The following CA10 variants were observed in gnomAD, a reference collection of about 807,000 sequenced individuals.
CA10 encodes the protein carbonic anhydrase 10 (inactive).
CA10 carries 14 observed loss-of-function variants against 44.2 expected under a neutral mutation model. The ratio of observed to expected loss-of-function variants is 0.32; its 90% CI spans 0.21 to 0.50. The LOEUF (loss-of-function observed/expected upper bound fraction) is 0.50. CA10 is among the 20% of genes least tolerant of loss of function. The pLI, the probability that CA10 is intolerant of heterozygous loss-of-function variation, is 0.99. For synonymous variants in CA10, 159 were observed against 141.6 expected (o/e 1.12, Z -0.87); for missense variants, 350 against 409.7 (o/e 0.85, Z 1.26).
chr17:51,758,671 T>C (rs1266080481), intron 3 of CA10, among the ~76,000 whole-genome samples: 10 of 152,232 alleles, frequency 6.6e-5, no homozygotes, highest in African/African-American at 2.4e-4. Context: ...GTGAGTCCCA[T>C]GTATTTCTTT....
At chr17:52,124,722 T>C (rs1357350696) in intron 1 of CA10, among the ~76,000 whole-genome samples, 1 of 152,132 alleles carries the variant, frequency 6.6e-6, no homozygotes, top group Non-Finnish European at 1.5e-5. Context: ...GCCTATGCTG[T>C]TTCATCCTCA....
chr17:51,931,606 G>C (rs991977756), intron 2 of CA10, among the ~76,000 whole-genome samples: 2 of 152,112 alleles, frequency 1.3e-5, no homozygotes, highest in African/African-American at 4.8e-5. Context: ...GGGTTGTCAA[G>C]ACTAAACTGA....
intron 2 of CA10, among the ~76,000 whole-genome samples, chr17:52,043,986 G>A (rs1424322247): frequency 1.3e-5 from 2 of 152,046 alleles, no homozygotes; most frequent in Admixed American, 1.3e-4. Flanking sequence ...TTGCATCTAT[G>A]TTCAGCAGGG....
intron 4 of CA10, among the ~76,000 whole-genome samples, chr17:51,724,739 C>T (rs1916459874): frequency 6.6e-6 from 1 of 152,098 alleles, no homozygotes; most frequent in South Asian, 2.1e-4. Context: ...ATTTCTCTTC[C>T]TGACTTGAGA....
At chr17:52,133,536 G>A (rs184925890) in intron 1 of CA10, among the ~76,000 whole-genome samples, 11 of 152,188 alleles carry the variant, frequency 7.2e-5, no homozygotes, top group African/African-American at 2.4e-4. Flanking sequence ...AAAAAAAACA[G>A]TTGCATATCA....
intron 2 of CA10, among the ~76,000 whole-genome samples, chr17:51,971,654 A>C (rs1984284095): frequency 6.6e-6 from 1 of 152,078 alleles, no homozygotes; most frequent in East Asian, 1.9e-4. Flanking sequence ...CCAGAATTTT[A>C]ACAAGATATT....
intron 2 of CA10, among the ~76,000 whole-genome samples, chr17:51,933,627 G>A (rs535449118): frequency 6.6e-6 from 1 of 152,106 alleles, no homozygotes; most frequent in Non-Finnish European, 1.5e-5. Flanking sequence ...GGCAGTAACG[G>A]AAAAGTAATA....
At chr17:51,797,924 G>C (rs966517550) in intron 3 of CA10, among the ~76,000 whole-genome samples, 1 of 147,118 alleles carries the variant, frequency 6.8e-6, no homozygotes, top group East Asian at 2.1e-4. Flanking sequence ...ACACATCCAC[G>C]ACTAGCATCT....
chr17:51,984,850 G>A (rs1434277754), intron 2 of CA10, among the ~76,000 whole-genome samples: 1 of 151,806 alleles, frequency 6.6e-6, no homozygotes, highest in Admixed American at 6.6e-5. Flanking sequence ...AACAAGCAGA[G>A]AGATTGAAAT....
At position 52,105,908 on chromosome 17, in the gene CA10, A is replaced by G. The variant is rs530817183; in HGVS notation, c.62-33515T>C. ...TCATGAGGATTCAATGAAATATTGC[A>G]TGAAAAGTGTTTAGTAGAGCCCTAG... On this transcript the variant is annotated intron_variant, in intron 1 of 8. Transcript: ENST00000451037. 2.0e-5 allele frequency among the ~76,000 whole-genome samples: 3 copies of G among 152,358 alleles called. No individual in the cohort carries two copies. The East Asian group carries it at 5.8e-4, about 29-fold the overall frequency.
chr17:51,684,788 A>T (rs1197692454), intron 4 of CA10, among the ~76,000 whole-genome samples: 1 of 152,192 alleles, frequency 6.6e-6, no homozygotes, highest in East Asian at 1.9e-4. Flanking sequence ...AAATAAATGG[A>T]TTCTTTGATT....
intron 3 of CA10, among the ~76,000 whole-genome samples, chr17:51,763,986 G>T (rs1178931761): frequency 6.7e-6 from 1 of 149,976 alleles, no homozygotes; most frequent in African/African-American, 2.5e-5. Flanking sequence ...TATGCCATAG[G>T]TTGTGAAATA....
At chr17:51,727,510 C>A (rs1041279914) in intron 4 of CA10, among the ~76,000 whole-genome samples, 19 of 152,040 alleles carry the variant, frequency 1.2e-4, no homozygotes, top group Non-Finnish European at 2.6e-4. Flanking sequence ...ATGCCTTGAT[C>A]ACATACAGTG....
chr17:51,689,017 CA>C (rs1915100010), intron 4 of CA10, among the ~76,000 whole-genome samples: 2 of 152,146 alleles, frequency 1.3e-5, no homozygotes, highest in Non-Finnish European at 2.9e-5. Flanking sequence ...AACGGAGGCA[CA>C]GATTTAAGCA....
At chr17:51,717,883 TC>T (rs56355326) in intron 4 of CA10, among the ~76,000 whole-genome samples, 43,754 of 43,788 alleles carry the variant, frequency 1, 21,860 homozygotes, top group Middle Eastern at 1. Flanking sequence ...GATAGAATAC[TC>T]ACTCAGCCAT....
intron 1 of CA10, among the ~76,000 whole-genome samples, chr17:52,081,245 C>A (rs1451638009): frequency 6.6e-6 from 1 of 152,036 alleles, no homozygotes; most frequent in Non-Finnish European, 1.5e-5. Context: ...AATTATGACA[C>A]TTAATCAGAG....
In CA10 at chr17:51,868,342, G is replaced by C. The variant is rs1979644316; in HGVS notation, c.279+62648C>G. Among the ~76,000 whole-genome samples the C allele has an allele frequency of 2.0e-5, 3 of 152,110 alleles. No individual in the cohort carries two copies. The South Asian group carries it at 6.2e-4, about 32-fold the overall frequency. Reference sequence around the variant, plus strand: ...ATTTTTACTGCCATGGGTTATAAATGCATGTTTGTATTACTGCTTCTGAGA... The same window carrying C: ...ATTTTTACTGCCATGGGTTATAAATCCATGTTTGTATTACTGCTTCTGAGA... On this transcript the variant is annotated intron_variant, in intron 3 of 8. Coordinates refer to ENST00000451037, the MANE Select transcript of CA10 (RefSeq NM_020178.5).
chr17:52,099,840 T>C (rs755263045), intron 1 of CA10, among the ~76,000 whole-genome samples: 5 of 152,118 alleles, frequency 3.3e-5, no homozygotes, highest in Non-Finnish European at 4.4e-5. Flanking sequence ...CAAAGAAGTG[T>C]TTCAAGGAGG....
intron 1 of CA10, among the ~76,000 whole-genome samples, chr17:52,081,799 C>CAAA (rs10707842): frequency 1.5e-4 from 12 of 78,318 alleles, no homozygotes; most frequent in South Asian, 4.9e-4. Flanking sequence ...GACTCCGTCT[C>CAAA]AAAAAAAAAA....
Sources: gnomAD v4.1 joint callset for allele counts (sites outside exome capture counted in the v4.1 genomes callset) on GRCh38, gnomAD v4.1.1 for gene constraint, MANE v1.5 for transcripts, NCBI Gene and HGNC (gene_info 2026-07-23, HGNC 2026-07-21) for gene names.